Variants in TMEM161B observed in about 807,000 individuals in gnomAD.
TMEM161B encodes transmembrane protein 161B.
Under a neutral mutation model 61.8 loss-of-function variants are expected in TMEM161B, and 34 were observed. That is an observed-to-expected ratio of 0.55 (90% CI 0.42 to 0.73). The LOEUF is 0.73. Ranked by LOEUF, TMEM161B falls within the 30% of genes least tolerant of loss-of-function variation. TMEM161B has a pLI of 0.00. For synonymous variants in TMEM161B, 167 were observed against 192.8 expected (o/e 0.87, Z 1.11); for missense variants, 456 against 558.5 (o/e 0.82, Z 1.85).
At position 88,268,840 on chromosome 5, in the gene TMEM161B, G is replaced by C; in HGVS notation, c.-117C>G. 6.4e-7 allele frequency: 1 copy of C among 1,558,644 alleles called. No individual in the cohort carries two copies. Among genetic ancestry groups the C allele is most frequent in the East Asian group, 2.3e-5 (1 of 44,070 alleles). On this transcript the variant is annotated 5_prime_UTR_variant, in exon 1 of 12. Transcript: ENST00000296595. The stretch of plus-strand genomic sequence containing the variant: ...CAAACAGCGAAAGAGAGGGTCTTCC[G>C]GCTCTGCCGGAAGTTGTGCGCGCGC...
chr5:88,255,410 C>T (rs2112746186), intron 1 of TMEM161B, among the ~76,000 whole-genome samples: 1 of 152,148 alleles, frequency 6.6e-6, no homozygotes, highest in East Asian at 1.9e-4. Context: ...GGGGCCTATA[C>T]TAAATATGAA....
intron 4 of TMEM161B, among the ~76,000 whole-genome samples, chr5:88,223,791 AG>A (rs1749461326): frequency 6.6e-6 from 1 of 152,078 alleles, no homozygotes; most frequent in Admixed American, 6.5e-5. Flanking sequence ...CAGGAGGCTG[AG>A]GCAGGAGAAT....
intron 1 of TMEM161B, among the ~76,000 whole-genome samples, chr5:88,248,842 T>C (rs1473242668): frequency 6.6e-6 from 1 of 152,076 alleles, no homozygotes; most frequent in Non-Finnish European, 1.5e-5. Flanking sequence ...CTTTTAACCA[T>C]AGAGCTCTTT....
At chr5:88,260,447 G>GT (rs1755541053) in intron 1 of TMEM161B, among the ~76,000 whole-genome samples, 1 of 152,018 alleles carries the variant, frequency 6.6e-6, no homozygotes, top group Non-Finnish European at 1.5e-5. Context: ...GTCATTTTTA[G>GT]TTTTTATTTT....
At chr5:88,206,253 C>T (rs1467446766) in intron 7 of TMEM161B, among the ~76,000 whole-genome samples, 186 bp downstream of exon 7, 1 of 151,872 alleles carries the variant, frequency 6.6e-6, no homozygotes, top group Non-Finnish European at 1.5e-5. Context: ...TGCAAATTTA[C>T]ATAAGAATTC....
intron 4 of TMEM161B, among the ~76,000 whole-genome samples, chr5:88,225,246 C>T (rs1020913223): frequency 4.6e-5 from 7 of 152,120 alleles, no homozygotes; most frequent in African/African-American, 9.7e-5. Context: ...GGATTACAGG[C>T]GTGAGCCACC....
intron 1 of TMEM161B, among the ~76,000 whole-genome samples, chr5:88,253,137 C>T (rs1252502420): frequency 6.6e-6 from 1 of 152,134 alleles, no homozygotes; most frequent in Non-Finnish European, 1.5e-5. Flanking sequence ...TATTGATACA[C>T]TCTTTCTTTA....
chr5:88,221,196 T>C (rs1431063341), intron 4 of TMEM161B: 1 of 166,700 alleles, frequency 6.0e-6, no homozygotes, highest in Non-Finnish European at 1.3e-5. Context: ...AATTGTAAAC[T>C]AGTAATTCTG....
At chr5:88,242,433 T>TGTTAAA (rs372349045) in intron 1 of TMEM161B, among the ~76,000 whole-genome samples, 1 of 151,218 alleles carries the variant, frequency 6.6e-6, no homozygotes, top group Admixed American at 6.7e-5. Flanking sequence ...ACTCCAAAAA[T>TGTTAAA]AAAGTTGAAT....
intron 2 of TMEM161B, among the ~76,000 whole-genome samples, chr5:88,240,177 AATTAAAATCCCACAACATAACTTT>A (rs1752494385): frequency 6.6e-6 from 1 of 151,766 alleles, no homozygotes; most frequent in African/African-American, 2.4e-5. Context: ...TAGTAGACAA[AATTAAAATCCCACAACATAACTTT>A]ATCCCCCTCC....
Position 88,195,542 on chromosome 5 carries a change from A to T in TMEM161B, c.*669T>A, listed in dbSNP as rs1749486935. ...TAATGGCAAGATTACAAATGTTCAT[A>T]TGGCCAATCATTTTAAAAGAACTCT... is the stretch of plus-strand genomic sequence containing the variant. On this transcript the variant is annotated 3_prime_UTR_variant, in exon 12 of 12. Transcript: ENST00000296595. 2.0e-6 allele frequency: 2 copies of T among 985,282 alleles called. No homozygotes were observed. Among genetic ancestry groups the T allele is most frequent in the African/African-American group, 3.5e-5 (2 of 57,192 alleles). 61.0% of individuals were successfully genotyped at this position (985,282 alleles called of 1,614,324 possible). A position where few individuals can be genotyped will look rare whatever the true frequency, so the allele number is the denominator to read the frequency against.
At chr5:88,189,954 C>T (rs560588012) in exon 13 of TMEM161B, 13 of 654,676 alleles carry the variant, frequency 2.0e-5, no homozygotes, top group East Asian at 1.9e-4. Flanking sequence ...CCATGTGATC[C>T]CCAGTACCTT....
chr5:88,191,759 C>T (rs1748892170), downstream of TMEM161B, among the ~76,000 whole-genome samples: 1 of 151,248 alleles, frequency 6.6e-6, no homozygotes, highest in Non-Finnish European at 1.5e-5. Context: ...AGATCGAGAC[C>T]ATCCTGGCTA....
At chr5:88,210,342 T>C (rs1001330841) in intron 5 of TMEM161B, among the ~76,000 whole-genome samples, 1 of 152,200 alleles carries the variant, frequency 6.6e-6, no homozygotes, top group African/African-American at 2.4e-5. Flanking sequence ...CAGATAATGA[T>C]ACCATTCCTG....
At chr5:88,238,130 C>A (rs1580611277) in intron 2 of TMEM161B, among the ~76,000 whole-genome samples, 1 of 152,030 alleles carries the variant, frequency 6.6e-6, no homozygotes, top group Admixed American at 6.6e-5. Flanking sequence ...ATACCTAATA[C>A]AACACAGATG....
downstream of TMEM161B, among the ~76,000 whole-genome samples, chr5:88,189,063 C>T (rs1421862976): frequency 6.6e-6 from 1 of 152,176 alleles, no homozygotes; most frequent in African/African-American, 2.4e-5. Flanking sequence ...GTTCCATTGA[C>T]TCCTAGAGTT....
chr5:88,219,607 G>T (rs1439665681), intron 5 of TMEM161B, among the ~76,000 whole-genome samples: 1 of 152,014 alleles, frequency 6.6e-6, no homozygotes, highest in Admixed American at 6.6e-5. Context: ...CTTCCAGAGG[G>T]TTTATGTACA....
At chr5:88,260,607 A>C (rs1006347308) in intron 1 of TMEM161B, among the ~76,000 whole-genome samples, 3 of 152,146 alleles carry the variant, frequency 2.0e-5, no homozygotes, top group Non-Finnish European at 4.4e-5. Flanking sequence ...GCTTGCCAGC[A>C]CGCCTCACTA....
At chr5:88,240,561 G>A (rs1463802245) in intron 2 of TMEM161B, among the ~76,000 whole-genome samples, 1 of 151,624 alleles carries the variant, frequency 6.6e-6, no homozygotes, top group Non-Finnish European at 1.5e-5. Context: ...GCTATAATGA[G>A]GCAATCCCAG....
Sources: allele counts gnomAD v4.1 joint callset (sites outside exome capture counted in the v4.1 genomes callset), GRCh38; gene constraint gnomAD v4.1.1; transcripts MANE v1.5; gene names NCBI Gene and HGNC (gene_info 2026-07-23, HGNC 2026-07-21).